IMMP2L: variants seen among roughly 807,000 people sequenced by gnomAD.
IMMP2L encodes inner mitochondrial membrane peptidase subunit 2, also known as mitochondrial inner membrane protease subunit 2.
Under a neutral mutation model 19.3 loss-of-function variants are expected in IMMP2L, and 18 were observed. The ratio of observed to expected loss-of-function variants is 0.93; its 90% CI spans 0.64 to 1.38. The LOEUF (loss-of-function observed/expected upper bound fraction) is 1.38, where lower values mean the gene tolerates loss of function less well. IMMP2L is among the 40% of genes most tolerant of loss of function. The probability of loss-of-function intolerance (pLI) is 0.00; values close to 1 mark genes in which losing one functional copy is unlikely to be tolerated. For missense variants in IMMP2L, 233 were observed against 218.2 expected (o/e 1.07, Z -0.43); for synonymous variants, 76 against 73.0 (o/e 1.04, Z -0.21).
chr7:111,399,309 G>A (rs970716964), intron 3 of IMMP2L, among the ~76,000 whole-genome samples: 4 of 152,038 alleles, frequency 2.6e-5, no homozygotes, highest in Non-Finnish European at 5.9e-5. Context: ...ACACAATAGA[G>A]AACCCAGAAA....
At chr7:111,498,075 CTT>C (rs1226369689) in intron 2 of IMMP2L, among the ~76,000 whole-genome samples, 1 of 151,890 alleles carries the variant, frequency 6.6e-6, no homozygotes, top group Admixed American at 6.6e-5. Flanking sequence ...TTTATATCCT[CTT>C]ATTACTAATA....
In IMMP2L at chr7:110,879,366, T is replaced by TG. The variant is rs1168479942; in HGVS notation, c.408+7226dup. On this transcript the variant is annotated intron_variant, in intron 5 of 5. Transcript: ENST00000405709. ...TTGTGCCACTGTACTCCAGCCTGGG[T>TG]GGAAGAGCGAGAATCTATCTCAAAA... Among the ~76,000 whole-genome samples, 4 of 149,084 alleles carry TG rather than the reference T, an allele frequency of 2.7e-5. No homozygotes were observed. In the East Asian group the frequency reaches 8.0e-4, roughly 30 times the overall value.
intron 3 of IMMP2L, among the ~76,000 whole-genome samples, chr7:111,242,292 G>C (rs780655851): frequency 2.0e-5 from 3 of 152,024 alleles, no homozygotes; most frequent in African/African-American, 4.8e-5. Context: ...AAGTATATCA[G>C]CTAGGAGAAA....
intron 3 of IMMP2L, among the ~76,000 whole-genome samples, chr7:111,381,184 T>G (rs909527932): frequency 3.3e-5 from 5 of 151,894 alleles, no homozygotes; most frequent in African/African-American, 9.7e-5. Context: ...GAGAGGGAAG[T>G]AGAGAAGGGC....
chr7:111,259,578 C>T (rs2109298), intron 3 of IMMP2L, among the ~76,000 whole-genome samples: 31,928 of 151,886 alleles, frequency 0.21, 4,348 homozygotes, highest in East Asian at 0.46. Flanking sequence ...TTCAAGGATG[C>T]AGTGGGCTAT....
At chr7:111,243,121 T>C (rs546267777) in intron 3 of IMMP2L, among the ~76,000 whole-genome samples, 20 of 152,138 alleles carry the variant, frequency 1.3e-4, no homozygotes, top group Non-Finnish European at 2.4e-4. Flanking sequence ...AAAGAGTAGT[T>C]GTTTTGAGAA....
intron 3 of IMMP2L, among the ~76,000 whole-genome samples, chr7:111,296,419 A>G (rs370106398): frequency 6.6e-6 from 1 of 151,960 alleles, no homozygotes; most frequent in East Asian, 1.9e-4. Context: ...ATAAGCACAC[A>G]CAAAGATGTT....
intron 3 of IMMP2L, among the ~76,000 whole-genome samples, chr7:111,370,993 G>A (rs1830214248): frequency 6.6e-6 from 1 of 151,784 alleles, no homozygotes; most frequent in Non-Finnish European, 1.5e-5. Flanking sequence ...ATCACTGTTT[G>A]AAAACTGATT....
chr7:110,823,038 A>G (rs1273938622), intron 5 of IMMP2L, among the ~76,000 whole-genome samples: 1 of 152,134 alleles, frequency 6.6e-6, no homozygotes, highest in African/African-American at 2.4e-5. Flanking sequence ...ATTAACTGCC[A>G]TTTAAATGGA....
At chr7:110,988,864 G>T (rs554705610) in intron 3 of IMMP2L, among the ~76,000 whole-genome samples, 2 of 152,040 alleles carry the variant, frequency 1.3e-5, no homozygotes, top group Non-Finnish European at 2.9e-5. Context: ...CATAAATATA[G>T]TATGTTCAAT....
intron 3 of IMMP2L, among the ~76,000 whole-genome samples, chr7:111,068,491 A>T (rs1794695953): frequency 6.6e-6 from 1 of 152,166 alleles, no homozygotes; most frequent in Non-Finnish European, 1.5e-5. Context: ...GCAAAACAGT[A>T]CTGCTTTACA....
At chr7:111,274,805 C>T (rs1446119647) in intron 3 of IMMP2L, among the ~76,000 whole-genome samples, 4 of 152,132 alleles carry the variant, frequency 2.6e-5, no homozygotes, top group African/African-American at 4.8e-5. Flanking sequence ...GCAGGCAACA[C>T]AGATAGAATA....
rs1340914484 is a variant in IMMP2L at position 111,179,697 on chromosome 7, T to C, written c.240-216132A>G. ...ATGCTTTGAAGCCAGCATTGACTTC[T>C]CTCTAGCTATCAAAGTCCTACACGG... On this transcript the variant is annotated intron_variant, in intron 3 of 5. Coordinates refer to ENST00000405709, the MANE Select transcript of IMMP2L (RefSeq NM_032549.4). 2.6e-5 allele frequency among the ~76,000 whole-genome samples: 4 copies of C among 152,202 alleles called. No homozygotes were observed. The East Asian group carries it at 7.7e-4, about 29-fold the overall frequency.
chr7:111,294,579 A>G (rs1423080691), intron 3 of IMMP2L, among the ~76,000 whole-genome samples: 1 of 151,860 alleles, frequency 6.6e-6, no homozygotes, highest in African/African-American at 2.4e-5. Context: ...AAAGATTATA[A>G]ATTTTGAGCA....
intron 5 of IMMP2L, among the ~76,000 whole-genome samples, chr7:110,674,929 C>T (rs1482174460): frequency 6.6e-6 from 1 of 152,106 alleles, no homozygotes; most frequent in African/African-American, 2.4e-5. Flanking sequence ...CTTGTAAGAC[C>T]CAATTCAGTC....
At chr7:111,500,945 C>A (rs866496247) in intron 2 of IMMP2L, among the ~76,000 whole-genome samples, 2 of 152,170 alleles carry the variant, frequency 1.3e-5, no homozygotes, top group Non-Finnish European at 2.9e-5. Context: ...CGCAGCTCCT[C>A]ACCAGCAACG....
intron 5 of IMMP2L, among the ~76,000 whole-genome samples, chr7:110,774,769 C>A (rs1799266683): frequency 6.6e-6 from 1 of 151,924 alleles, no homozygotes. Context: ...GTAGGTATAC[C>A]ATCTAGGTTT....
chr7:111,366,119 C>T (rs2131043626), intron 3 of IMMP2L, among the ~76,000 whole-genome samples: 1 of 152,134 alleles, frequency 6.6e-6, no homozygotes, highest in East Asian at 1.9e-4. Flanking sequence ...CTCTGAGTAT[C>T]TCCCCATGGA....
chr7:111,059,152 T>A (rs953051626), intron 3 of IMMP2L, among the ~76,000 whole-genome samples: 42 of 152,064 alleles, frequency 2.8e-4, no homozygotes, highest in African/African-American at 1.0e-3. Context: ...CCAGCTAATT[T>A]TTTATATTTT....
Sources: allele counts gnomAD v4.1 joint callset (sites outside exome capture counted in the v4.1 genomes callset), GRCh38; gene constraint gnomAD v4.1.1; transcripts MANE v1.5; gene names NCBI Gene and HGNC (gene_info 2026-07-23, HGNC 2026-07-21).